The following OR6F1 variants were observed in gnomAD, a reference collection of about 807,000 sequenced individuals.
OR6F1 encodes olfactory receptor family 6 subfamily F member 1, also known as olfactory receptor 6F1.
For synonymous variants in OR6F1, 144 were observed against 150.0 expected (o/e 0.96, Z 0.29); for missense variants, 346 against 376.0 (o/e 0.92, Z 0.66).
At position 247,712,065 on chromosome 1, in the gene OR6F1, CAG is replaced by C. The variant is rs1368000959; in HGVS notation, c.689_690del (p.Ser230CysfsTer64). 6.2e-7 allele frequency: 1 copy of C among 1,614,158 alleles called. No homozygotes were observed. On this transcript the variant is annotated frameshift_variant, in exon 3 of 3. Coordinates refer to ENST00000641470, the MANE Select transcript of OR6F1 (RefSeq NM_001005286.2). LOFTEE classifies it low-confidence loss of function (END_TRUNC). ...GAGAAGGCTTTGCTCCGGCCACTGG[CAG>C]AGGGGATCCTGAGGATGGTGCTGAT... ...YIISTILRIP[S>X]ASGRSKAFST...
chr1:247,713,679 A>G (rs1377999920), intron 2 of OR6F1, among the ~76,000 whole-genome samples: 2 of 152,234 alleles, frequency 1.3e-5, no homozygotes, highest in African/African-American at 4.8e-5. Flanking sequence ...TTTTGAAGAA[A>G]GACAGTGAAG....
At position 247,712,770 on chromosome 1, in the gene OR6F1, C is replaced by A; in HGVS notation, c.-15G>T. 2 of 1,537,606 alleles carry A rather than the reference C, an allele frequency of 1.3e-6. No individual in the cohort carries two copies. Among genetic ancestry groups the A allele is most frequent in the South Asian group, 1.1e-5 (1 of 88,170 alleles). On this transcript the variant is annotated 5_prime_UTR_variant, in exon 3 of 3. Coordinates refer to ENST00000641470, the MANE Select transcript of OR6F1 (RefSeq NM_001005286.2). The stretch of plus-strand genomic sequence containing the variant: ...CCTGTGTCCATTGTGGTACTGAAAC[C>A]AGAAAACAGAGTCCCCGCACTGAGC...
Position 247,712,079 on chromosome 1 carries a change from A to C in OR6F1, c.677T>G (p.Leu226Arg), listed in dbSNP as rs770107984. ...VSYVYIISTI[L>R]RIPSASGRSK... ...CCGGCCACTGGCAGAGGGGATCCTG[A>C]GGATGGTGCTGATGATGTACACATA... is the stretch of plus-strand genomic sequence containing the variant. The change falls in exon 3 of 3, where the codon CTC becomes CGC. Residue 226 changes from leucine (L) to arginine (R), a missense_variant. Leu to Arg is a moderately radical substitution (Grantham distance 102, BLOSUM62 -2). Transcript: ENST00000641470. The C allele has an allele frequency of 4.3e-6, 7 of 1,614,200 alleles. No homozygotes were observed. Among genetic ancestry groups the C allele is most frequent in the Non-Finnish European group, 5.1e-6 (6 of 1,180,014 alleles).
At chr1:247,715,089 C>T (rs1422468796) in intron 1 of OR6F1, among the ~76,000 whole-genome samples, 18 of 152,166 alleles carry the variant, frequency 1.2e-4, no homozygotes, top group Non-Finnish European at 1.5e-5. Flanking sequence ...AATGAGAAAA[C>T]CAAAACACAA....
chr1:247,715,440 T>C (rs1476976512), intron 1 of OR6F1, among the ~76,000 whole-genome samples: 1 of 152,196 alleles, frequency 6.6e-6, no homozygotes, highest in African/African-American at 2.4e-5. Flanking sequence ...TATTATGAAA[T>C]GACATTTTTG....
Position 247,712,089 on chromosome 1 carries a change from T to C in OR6F1, c.667A>G (p.Ser223Gly). 1 of 1,614,200 alleles carries C rather than the reference T, an allele frequency of 6.2e-7. No homozygotes were observed. The highest frequency in any genetic ancestry group is 1.1e-5 in the South Asian group (1 of 91,086). The stretch of plus-strand genomic sequence containing the variant: ...GCAGAGGGGATCCTGAGGATGGTGC[T>C]GATGATGTACACATAGGAGACAAAG... ...ITFVSYVYII[S>G]TILRIPSASG... is the part of the protein sequence containing the mutation. Residue 223 changes from serine (S) to glycine (G), a missense_variant, in exon 3 of 3, where the codon AGC becomes GGC. Coordinates refer to ENST00000641470, the MANE Select transcript of OR6F1 (RefSeq NM_001005286.2).
chr1:247,714,041 C>A, intron 1 of OR6F1, 87 bp from the exon 2 acceptor site: 1 of 398,280 alleles, frequency 2.5e-6, no homozygotes, highest in South Asian at 1.3e-4. Context: ...TTCCAAATGT[C>A]ACTGGCCAGG....
At chr1:247,714,664 C>T (rs900415113) in intron 1 of OR6F1, among the ~76,000 whole-genome samples, 1 of 151,788 alleles carries the variant, frequency 6.6e-6, no homozygotes, top group Non-Finnish European at 1.5e-5. Flanking sequence ...TATTTTTTTC[C>T]TCCTTTACAC....
chr1:247,715,515 C>T (rs1012398391), intron 1 of OR6F1, among the ~76,000 whole-genome samples: 2 of 152,136 alleles, frequency 1.3e-5, no homozygotes, highest in African/African-American at 4.8e-5. Context: ...ACGTGAAGCA[C>T]ATGATGATCA....
intron 2 of OR6F1, among the ~76,000 whole-genome samples, 193 bp from the exon 3 acceptor site, chr1:247,713,010 C>T (rs1402285969): frequency 1.3e-5 from 2 of 152,120 alleles, no homozygotes; most frequent in African/African-American, 2.4e-5. Context: ...GTGCAAAAAA[C>T]GTCAGCAATT....
In OR6F1 at chr1:247,712,120, G is replaced by T. The variant is rs762866328; in HGVS notation, c.636C>A (p.Leu212=). 6.2e-7 allele frequency: 1 copy of T among 1,614,236 alleles called. No homozygotes were observed. The highest frequency in any genetic ancestry group is 8.5e-7 in the Non-Finnish European group (1 of 1,180,030). ...IAVVVILSSC[L]ITFVSYVYII... ...TGTACACATAGGAGACAAAGGTGAT[G>T]AGGCATGAACTCAGGATAACCACAA... The change falls in exon 3 of 3, where the codon CTC becomes CTA. Residue 212 remains leucine, a synonymous_variant. Coordinates refer to ENST00000641470, the MANE Select transcript of OR6F1 (RefSeq NM_001005286.2).
At chr1:247,713,847 A>G (rs1572462063) in intron 2 of OR6F1, 44 bp downstream of exon 2, 1 of 398,494 alleles carries the variant, frequency 2.5e-6, no homozygotes. Context: ...CATTTAGACT[A>G]TAAAATGGGT....
intron 2 of OR6F1, 141 bp from the exon 3 acceptor site, chr1:247,712,958 G>C: frequency 2.0e-6 from 1 of 490,868 alleles, no homozygotes; most frequent in Non-Finnish European, 3.6e-6. Context: ...GAAACAGTGA[G>C]ATATGTATTA....
At position 247,711,754 on chromosome 1, in the gene OR6F1, C is replaced by A; in HGVS notation, c.*75G>T. Reference sequence around the variant, plus strand: ...TGTACCAAGAAAGATTTGCCCTATTCCTCCACATTCTTACTTGGAACCTCT... The same window carrying A: ...TGTACCAAGAAAGATTTGCCCTATTACTCCACATTCTTACTTGGAACCTCT... On this transcript the variant is annotated 3_prime_UTR_variant, in exon 3 of 3. Transcript: ENST00000641470. 3 of 917,924 alleles carry A rather than the reference C, an allele frequency of 3.3e-6. No individual in the cohort carries two copies. The highest frequency in any genetic ancestry group is 3.2e-5 in the South Asian group (2 of 62,162). The allele number at this position is 917,924 out of a possible 1,614,324, so 56.9% of individuals were successfully genotyped here. A position where few individuals can be genotyped will look rare whatever the true frequency, so the allele number is the denominator to read the frequency against.
intron 1 of OR6F1, among the ~76,000 whole-genome samples, chr1:247,715,775 A>G (rs1266620197): frequency 6.6e-6 from 1 of 152,174 alleles, no homozygotes; most frequent in African/African-American, 2.4e-5. Flanking sequence ...AGTATAAGTA[A>G]TTTTAATTTC....
At chr1:247,715,267 C>T (rs1235179444) in intron 1 of OR6F1, among the ~76,000 whole-genome samples, 3 of 152,088 alleles carry the variant, frequency 2.0e-5, no homozygotes, top group Non-Finnish European at 2.9e-5. Flanking sequence ...CAATAGAAAT[C>T]GCTGGGCAAA....
rs755804539 is a variant in OR6F1 at position 247,712,673 on chromosome 1, A to AG, written c.82_83insC (p.Phe28SerfsTer13). 96 of 1,612,820 alleles carry AG rather than the reference A, an allele frequency of 6.0e-5. No homozygotes were observed. The highest frequency in any genetic ancestry group is 1.6e-4 in the Middle Eastern group (1 of 6,082). Reference sequence around the variant, plus strand: ...GATGTACATCACCAGAAAAAGCATAAAGAGAGAGAGCTGAAGAGTTTGAGA... The same window carrying AG: ...GATGTACATCACCAGAAAAAGCATAAGAGAGAGAGAGCTGAAGAGTTTGAGA... On this transcript the variant is annotated frameshift_variant, in exon 3 of 3. Transcript: ENST00000641470. LOFTEE classifies it low-confidence loss of function (END_TRUNC).
chr1:247,715,171 A>C (rs1442076223), intron 1 of OR6F1, among the ~76,000 whole-genome samples: 2 of 152,234 alleles, frequency 1.3e-5, no homozygotes, highest in African/African-American at 4.8e-5. Context: ...GAGCCAAAGC[A>C]CTTTGAACTT....
At chr1:247,713,409 C>T (rs1660048652) in intron 2 of OR6F1, among the ~76,000 whole-genome samples, 1 of 147,176 alleles carries the variant, frequency 6.8e-6, no homozygotes, top group Non-Finnish European at 1.5e-5. Context: ...ATGACAGATA[C>T]TTCTCATCAA....
Sources: allele counts gnomAD v4.1 joint callset (sites outside exome capture counted in the v4.1 genomes callset), GRCh38; gene constraint gnomAD v4.1.1; transcripts MANE v1.5; gene names NCBI Gene and HGNC (gene_info 2026-07-23, HGNC 2026-07-21).